DCLK3: variants seen among roughly 807,000 people sequenced by gnomAD.
DCLK3 encodes serine/threonine-protein kinase DCLK3.
In DCLK3, 30 loss-of-function variants were observed where a neutral mutation model predicts 46.4. That is an observed-to-expected ratio of 0.65 (90% CI 0.48 to 0.88). DCLK3 has a LOEUF of 0.88. Among genes scored for constraint, DCLK3 ranks in the 40% least tolerant of loss-of-function variants. The pLI is 0.00. For missense variants in DCLK3, 846 were observed against 907.1 expected (o/e 0.93, Z 0.87); for synonymous variants, 401 against 339.2 (o/e 1.18, Z -2.00).
chr3:36,723,655 A>G (rs1701089866), intron 2 of DCLK3, among the ~76,000 whole-genome samples: 1 of 152,206 alleles, frequency 6.6e-6, no homozygotes, highest in Non-Finnish European at 1.5e-5. Flanking sequence ...GTGGCTTCAG[A>G]GGAAGCAAGC....
rs761708545 is a variant in DCLK3 at position 36,737,175 on chromosome 3, C to A, written c.1959+33G>T. ...AATTTTATCCCATATTCTAAAAACA[C>A]CCTCTCCCATATCATCAAAAGTCAA... is the stretch of plus-strand genomic sequence containing the variant. On this transcript the variant is annotated intron_variant, in intron 2 of 4. Transcript: ENST00000636136. This position sits in a 1 kb window ranked among gnomAD's most constrained non-coding sequence, Gnocchi z 4.4. 6.3e-7 allele frequency: 1 copy of A among 1,590,404 alleles called. No individual in the cohort carries two copies. The highest frequency in any genetic ancestry group is 8.6e-7 in the Non-Finnish European group (1 of 1,167,600).
intron 2 of DCLK3, among the ~76,000 whole-genome samples, chr3:36,735,288 G>A (rs905691104): frequency 5.9e-5 from 9 of 152,090 alleles, no homozygotes; most frequent in African/African-American, 1.7e-4. Flanking sequence ...CCCAAAAGAC[G>A]GGAAGAATCA....
intron 1 of DCLK3, among the ~76,000 whole-genome samples, chr3:36,745,900 A>G (rs1450788520): frequency 3.3e-5 from 5 of 152,218 alleles, no homozygotes; most frequent in Non-Finnish European, 1.5e-5. Context: ...TCTCTCACTA[A>G]GCCTCAAAAA....
At chr3:36,727,234 A>T (rs911947649) in intron 2 of DCLK3, among the ~76,000 whole-genome samples, 2 of 152,204 alleles carry the variant, frequency 1.3e-5, no homozygotes, top group Non-Finnish European at 2.9e-5. Flanking sequence ...GGTTGCAGTG[A>T]GCTGAGGTCG....
In DCLK3 at chr3:36,737,865, C is replaced by G; in HGVS notation, c.1302G>C (p.Arg434Ser). The stretch of plus-strand genomic sequence containing the variant: ...CACCATGTTTGCTCCTGCTCATGGG[C>G]CTGGTGTCCTTCTTCACCTCCCTCA... ...EGLREVKKDT[R>S]PMSRSKHGGW... The change falls in exon 2 of 5, where the codon AGG becomes AGC. Residue 434 changes from arginine to serine, a missense_variant. By Grantham distance (110) the Arg-to-Ser change is moderately radical (BLOSUM62 -1). Transcript: ENST00000636136. This position sits in a 1 kb window ranked among gnomAD's most constrained non-coding sequence, Gnocchi z 4.4. 1 of 1,613,918 alleles carries G rather than the reference C, an allele frequency of 6.2e-7. No individual in the cohort carries two copies. The highest frequency in any genetic ancestry group is 8.5e-7 in the Non-Finnish European group (1 of 1,180,020).
chr3:36,738,384 C>T lies in DCLK3; in HGVS notation c.783G>A (p.Gln261=), dbSNP rs774323839. The T allele has an allele frequency of 2.0e-6, 3 of 1,500,010 alleles. No individual in the cohort carries two copies. The allele number at this position is 1,500,010 out of a possible 1,614,324, so 92.9% of individuals were successfully genotyped here. Residue 261 remains glutamine (Q), a synonymous_variant, in exon 2 of 5, where the codon CAG becomes CAA. Transcript: ENST00000636136. ...ELSLDDRART[Q]KKWGRGKWEP... Reference sequence around the variant, plus strand: ...CCCATTTCCCCCTCCCCCACTTCTTCTGGGTCCTCGCTCTGTCATCTAGTG... The same window carrying T: ...CCCATTTCCCCCTCCCCCACTTCTTTTGGGTCCTCGCTCTGTCATCTAGTG...
chr3:36,736,742 A>G (rs1701267602), intron 2 of DCLK3, among the ~76,000 whole-genome samples: 1 of 152,154 alleles, frequency 6.6e-6, no homozygotes, highest in African/African-American at 2.4e-5. Flanking sequence ...CCTCATCGGC[A>G]CTCCTTACAC....
intron 1 of DCLK3, among the ~76,000 whole-genome samples, chr3:36,747,042 A>G (rs1438505661): frequency 6.6e-6 from 1 of 152,218 alleles, no homozygotes; most frequent in Non-Finnish European, 1.5e-5. Context: ...CATAAAGTTA[A>G]TAAGTAATTT....
At chr3:36,744,134 G>A (rs1701374188) in intron 1 of DCLK3, among the ~76,000 whole-genome samples, 1 of 152,152 alleles carries the variant, frequency 6.6e-6, no homozygotes, top group Admixed American at 6.5e-5. Flanking sequence ...GCAGAGACCA[G>A]GGTTTATGCA....
intron 1 of DCLK3, among the ~76,000 whole-genome samples, chr3:36,747,007 C>G (rs1163375499): frequency 6.6e-6 from 1 of 152,116 alleles, no homozygotes; most frequent in African/African-American, 2.4e-5. Flanking sequence ...TTTGGGAGTG[C>G]AAGTTGCCTA....
chr3:36,745,310 A>G (rs1258992781), intron 1 of DCLK3, among the ~76,000 whole-genome samples: 1 of 152,244 alleles, frequency 6.6e-6, no homozygotes, highest in Non-Finnish European at 1.5e-5. Context: ...TGTGGTCAGT[A>G]TTAACGTCAG....
intron 1 of DCLK3, among the ~76,000 whole-genome samples, chr3:36,756,761 C>A (rs1172642920): frequency 3.3e-5 from 5 of 151,974 alleles, no homozygotes; most frequent in Non-Finnish European, 7.4e-5. Flanking sequence ...ATGGAAACTG[C>A]TGTTAGGGGA....
chr3:36,738,010 G>A lies in DCLK3; in HGVS notation c.1157C>T (p.Pro386Leu). The A allele has an allele frequency of 1.2e-6, 2 of 1,613,934 alleles. No homozygotes were observed. Among genetic ancestry groups the A allele is most frequent in the Non-Finnish European group, 1.7e-6 (2 of 1,179,992 alleles). The change falls in exon 2 of 5, where the codon CCC becomes CTC. Residue 386 changes from proline (P) to leucine (L), a missense_variant. Pro to Leu is a moderately conservative substitution (Grantham distance 98, BLOSUM62 -3). Around this residue, in one of 3 missense-constraint regions of DCLK3, gnomAD observed 553 missense variants for 543.0 expected, o/e 1.02. Transcript: ENST00000636136. Reference protein sequence around the residue: ...PRNPTQELRRPSKSMDKKEDR... With the variant: ...PRNPTQELRRLSKSMDKKEDR... ...CTCTTTCTTGTCCATGCTCTTGCTG[G>A]GTCTCCTCAGCTCTTGAGTGGGATT...
chr3:36,725,085 C>T (rs572089174), intron 2 of DCLK3, among the ~76,000 whole-genome samples: 6 of 151,092 alleles, frequency 4.0e-5, no homozygotes, highest in South Asian at 2.1e-4. Flanking sequence ...GAGGCCAAGA[C>T]GGGCGGATCA....
chr3:36,720,787 A>C (rs553119924), intron 3 of DCLK3, among the ~76,000 whole-genome samples: 1 of 152,248 alleles, frequency 6.6e-6, no homozygotes, highest in South Asian at 2.1e-4. Context: ...GATTACAGGC[A>C]TGAGCCACCA....
intron 2 of DCLK3, among the ~76,000 whole-genome samples, chr3:36,731,988 T>C (rs946251061): frequency 1.3e-5 from 2 of 152,174 alleles, no homozygotes; most frequent in African/African-American, 2.4e-5. Flanking sequence ...AAAGTTAATC[T>C]TAGACCCTCA....
chr3:36,726,584 C>T (rs912869602), intron 2 of DCLK3, among the ~76,000 whole-genome samples: 2 of 152,082 alleles, frequency 1.3e-5, no homozygotes, highest in Non-Finnish European at 2.9e-5. Flanking sequence ...CAGGGTGGAG[C>T]GGCCTTTCCC....
chr3:36,743,942 G>T (rs1387436836), intron 1 of DCLK3, among the ~76,000 whole-genome samples: 2 of 152,150 alleles, frequency 1.3e-5, no homozygotes, highest in Non-Finnish European at 2.9e-5. Flanking sequence ...CGCAGTGATA[G>T]CTCCCTCCCC....
At chr3:36,726,599 C>A (rs1350215313) in intron 2 of DCLK3, among the ~76,000 whole-genome samples, 2 of 152,110 alleles carry the variant, frequency 1.3e-5, no homozygotes, top group Non-Finnish European at 2.9e-5. Flanking sequence ...TTTCCCCTGT[C>A]TCTCCAGACC....
Sources: allele counts gnomAD v4.1 joint callset (sites outside exome capture counted in the v4.1 genomes callset), GRCh38; gene constraint gnomAD v4.1.1; regional missense constraint gnomAD v4.1.1; non-coding constraint Gnocchi (gnomAD v3.1); transcripts MANE v1.5; gene names NCBI Gene and HGNC (gene_info 2026-07-23, HGNC 2026-07-21).